The following RAPGEF5 variants were observed in gnomAD, a reference collection of about 807,000 sequenced individuals.
RAPGEF5 encodes M-Ras-regulated GEF.
Under a neutral mutation model 125.2 loss-of-function variants are expected in RAPGEF5, and 65 were observed. The observed-to-expected ratio is 0.52, with a 90% CI of 0.43 to 0.64. The LOEUF is 0.64. Among genes scored for constraint, RAPGEF5 ranks in the 30% least tolerant of loss-of-function variants. The probability of loss-of-function intolerance (pLI) is 0.00; values close to 1 mark genes in which losing one functional copy is unlikely to be tolerated. For synonymous variants in RAPGEF5, 391 were observed against 385.9 expected, an observed-to-expected ratio of 1.01 and a Z score of -0.16; for missense variants, 958 against 1,048.1, an observed-to-expected ratio of 0.91 and a Z score of 1.19.
chr7:22,340,083 A>C (rs1784097333), intron 1 of RAPGEF5, among the ~76,000 whole-genome samples: 1 of 152,170 alleles, frequency 6.6e-6, no homozygotes, highest in Non-Finnish European at 1.5e-5. Flanking sequence ...TGCTTCAATC[A>C]TCCAAACTCC....
chr7:22,289,142 T>C (rs1782870904), intron 6 of RAPGEF5, among the ~76,000 whole-genome samples: 1 of 152,190 alleles, frequency 6.6e-6, no homozygotes. Flanking sequence ...ACTTTACTTA[T>C]TCACCACCTT....
At chr7:22,290,468 G>A (rs1033099709) in intron 6 of RAPGEF5, among the ~76,000 whole-genome samples, 4 of 152,132 alleles carry the variant, frequency 2.6e-5, no homozygotes, top group Admixed American at 6.5e-5. Context: ...ATGAAAGGCC[G>A]GGCGCGGTGG....
At chr7:22,306,772 G>A (rs546285337) in intron 5 of RAPGEF5, among the ~76,000 whole-genome samples, 1 of 152,214 alleles carries the variant, frequency 6.6e-6, no homozygotes, top group South Asian at 2.1e-4. Flanking sequence ...TTCTGCATGT[G>A]GATAGCCAGT....
intron 11 of RAPGEF5, among the ~76,000 whole-genome samples, chr7:22,175,216 C>T (rs1223747512): frequency 6.6e-6 from 1 of 152,134 alleles, no homozygotes; most frequent in East Asian, 1.9e-4. Flanking sequence ...GAGGCTTTAT[C>T]GGGCTCAGGA....
intron 6 of RAPGEF5, among the ~76,000 whole-genome samples, chr7:22,284,778 A>T (rs530299845): frequency 6.6e-6 from 1 of 152,306 alleles, no homozygotes; most frequent in South Asian, 2.1e-4. Flanking sequence ...CCATTTCTGC[A>T]TTCTCCAGGA....
chr7:22,179,771 G>T (rs1039014970), intron 11 of RAPGEF5, among the ~76,000 whole-genome samples: 1 of 152,174 alleles, frequency 6.6e-6, no homozygotes, highest in Non-Finnish European at 1.5e-5. Flanking sequence ...ACAATCGCAT[G>T]CTAAAAGACA....
chr7:22,132,381 T>C (rs1185297097), intron 23 of RAPGEF5, among the ~76,000 whole-genome samples: 4 of 45,220 alleles, frequency 8.8e-5, no homozygotes, highest in African/African-American at 2.0e-4. Context: ...TTCCTCTCTT[T>C]TTTTTTTTTT....
intron 6 of RAPGEF5, among the ~76,000 whole-genome samples, chr7:22,272,276 G>T (rs1782448201): frequency 6.7e-6 from 1 of 149,160 alleles, no homozygotes; most frequent in African/African-American, 2.5e-5. Flanking sequence ...CCGGGAGGCG[G>T]AGGTTGCAGT....
chr7:22,202,113 A>G (rs531392923), intron 9 of RAPGEF5, among the ~76,000 whole-genome samples: 1 of 152,304 alleles, frequency 6.6e-6, no homozygotes, highest in East Asian at 1.9e-4. Flanking sequence ...AGAAAAGGAA[A>G]ATTCAAGCTT....
At chr7:22,296,750 G>A (rs1450685397) in intron 5 of RAPGEF5, among the ~76,000 whole-genome samples, 1 of 152,120 alleles carries the variant, frequency 6.6e-6, no homozygotes, top group Non-Finnish European at 1.5e-5. Flanking sequence ...AGATGTCAAA[G>A]CACTGAAACA....
In RAPGEF5 at chr7:22,291,115, T is replaced by G. The variant is rs982969940; in HGVS notation, c.747+60A>C. On this transcript the variant is annotated intron_variant, in intron 6 of 25. Coordinates refer to ENST00000665637, the MANE Select transcript of RAPGEF5 (RefSeq NM_012294.5). ...TACACCATCACCCAAAGAACTTCCCTTCTAGGACCCCAGCTTCATTATTTC... is the reference window on the plus strand; with the variant it reads ...TACACCATCACCCAAAGAACTTCCCGTCTAGGACCCCAGCTTCATTATTTC... 3 of 1,503,332 alleles carry G rather than the reference T, an allele frequency of 2.0e-6. No individual in the cohort carries two copies. In the African/African-American group the frequency reaches 4.3e-5, roughly 21 times the overall value. 93.1% of individuals were successfully genotyped at this position (1,503,332 alleles called of 1,614,324 possible). A position where few individuals can be genotyped will look rare whatever the true frequency, so the allele number is the denominator to read the frequency against.
intron 11 of RAPGEF5, among the ~76,000 whole-genome samples, chr7:22,183,652 A>G (rs1784743326): frequency 6.6e-6 from 1 of 152,220 alleles, no homozygotes; most frequent in African/African-American, 2.4e-5. Flanking sequence ...CAGTTTACAC[A>G]GGAAAACCGG....
At chr7:22,262,734 G>A (rs1203943445) in intron 7 of RAPGEF5, among the ~76,000 whole-genome samples, 2 of 62,170 alleles carry the variant, frequency 3.2e-5, no homozygotes, top group Non-Finnish European at 6.1e-5. Context: ...TCATGCCACG[G>A]AACACTATTC....
At chr7:22,283,052 C>A (rs1057193153) in intron 6 of RAPGEF5, among the ~76,000 whole-genome samples, 1 of 151,272 alleles carries the variant, frequency 6.6e-6, no homozygotes, top group Non-Finnish European at 1.5e-5. Context: ...AAAATACACA[C>A]ACACACACAC....
chr7:22,256,009 G>A (rs1373970205), intron 7 of RAPGEF5, among the ~76,000 whole-genome samples: 1 of 152,178 alleles, frequency 6.6e-6, no homozygotes, highest in Non-Finnish European at 1.5e-5. Flanking sequence ...TTGTGATTGA[G>A]ACAGTGCAAA....
chr7:22,303,606 A>G (rs949310830), intron 5 of RAPGEF5, among the ~76,000 whole-genome samples: 12 of 152,342 alleles, frequency 7.9e-5, no homozygotes, highest in African/African-American at 2.9e-4. Flanking sequence ...AGGCTCACAC[A>G]GGTAGGTATC....
chr7:22,331,354 C>T (rs535555868), intron 1 of RAPGEF5, among the ~76,000 whole-genome samples: 1 of 152,210 alleles, frequency 6.6e-6, no homozygotes, highest in South Asian at 2.1e-4. Context: ...TGCCCCTCTC[C>T]AAGGTGGAAG....
chr7:22,123,500 G>A (rs1214391293), intron 25 of RAPGEF5, among the ~76,000 whole-genome samples: 1 of 152,186 alleles, frequency 6.6e-6, no homozygotes. Context: ...TTTGAGCAGA[G>A]GGAAGGGAAA....
chr7:22,357,114 G>T lies in RAPGEF5; in HGVS notation c.-54C>A. 1.1e-6 allele frequency: 1 copy of T among 922,926 alleles called. No individual in the cohort carries two copies. Among genetic ancestry groups the T allele is most frequent in the Middle Eastern group, 5.2e-4 (1 of 1,932 alleles). The allele number at this position is 922,926 out of a possible 1,614,324, so 57.2% of individuals were successfully genotyped here. ...TCCTCTCCACCGCGCTCGCCTCCGC[G>T]CGCCGTCCGCGCCTTCGCCAGGAAG... is the stretch of plus-strand genomic sequence containing the variant. On this transcript the variant is annotated 5_prime_UTR_variant, in exon 1 of 26. Coordinates refer to ENST00000665637, the MANE Select transcript of RAPGEF5 (RefSeq NM_012294.5).
Sources: allele counts gnomAD v4.1 joint callset (sites outside exome capture counted in the v4.1 genomes callset), GRCh38; gene constraint gnomAD v4.1.1; transcripts MANE v1.5; gene names NCBI Gene and HGNC (gene_info 2026-07-23, HGNC 2026-07-21).